Variants in SHCBP1L observed in about 807,000 individuals in gnomAD.
SHCBP1L encodes SHC binding and spindle associated 1 like.
SHCBP1L carries 67 observed loss-of-function variants against 62.5 expected under a neutral mutation model. That is an observed-to-expected ratio of 1.07 (90% CI 0.88 to 1.31). The LOEUF (loss-of-function observed/expected upper bound fraction) is 1.31, where lower values mean the gene tolerates loss of function less well. Ranked by LOEUF, SHCBP1L falls within the 40% of genes most tolerant of loss-of-function variation. SHCBP1L has a pLI of 0.00. For synonymous variants in SHCBP1L, 284 were observed against 289.4 expected, an observed-to-expected ratio of 0.98 and a Z score of 0.19; for missense variants, 823 against 809.8, an observed-to-expected ratio of 1.02 and a Z score of -0.20.
chr1:182,928,412 G>T (rs1258331742), intron 6 of SHCBP1L, among the ~76,000 whole-genome samples: 2 of 152,172 alleles, frequency 1.3e-5, no homozygotes, highest in East Asian at 3.8e-4. Context: ...AGTGTTAAAT[G>T]TAGTCATGAT....
rs369648028 is a variant in SHCBP1L at position 182,912,539 on chromosome 1, T to C, written c.1183-6890A>G. On this transcript the variant is annotated intron_variant, in intron 6 of 9. Coordinates refer to ENST00000367547, the MANE Select transcript of SHCBP1L (RefSeq NM_030933.4). ...CTTTGTAATATCAATTTTTTTTTTT[T>C]TGAGACACAGTCTCACTCTGTCACC... is the stretch of plus-strand genomic sequence containing the variant. 5.3e-5 allele frequency among the ~76,000 whole-genome samples: 8 copies of C among 152,118 alleles called. No homozygotes were observed. In the East Asian group the frequency reaches 1.6e-3, roughly 30 times the overall value.
intron 2 of SHCBP1L, among the ~76,000 whole-genome samples, chr1:182,948,594 C>T (rs972812879): frequency 6.6e-6 from 1 of 152,270 alleles, no homozygotes; most frequent in South Asian, 2.1e-4. Flanking sequence ...TTGCATACAC[C>T]TTGATTTTAG....
chr1:182,900,933 C>T (rs551207432), intron 9 of SHCBP1L, among the ~76,000 whole-genome samples: 3 of 152,264 alleles, frequency 2.0e-5, no homozygotes, highest in East Asian at 1.9e-4. Context: ...TTACTTTTAT[C>T]AGTTATTGAT....
In SHCBP1L at chr1:182,904,347, G is replaced by A; in HGVS notation, c.1420C>T (p.Leu474=). Reference sequence around the variant, plus strand: ...TGTTGTATCAAAGATAGATGCATTAGTTTCACATTGTCAGCTTTGGACACC... The same window carrying A: ...TGTTGTATCAAAGATAGATGCATTAATTTCACATTGTCAGCTTTGGACACC... ...FVVSKADNVK[L]MHLSLIQQGT... is the part of the protein sequence containing the mutation. The change falls in exon 8 of 10, where the codon CTA becomes TTA. Residue 474 remains leucine, a synonymous_variant. Transcript: ENST00000367547. 1.2e-6 allele frequency: 2 copies of A among 1,614,128 alleles called. No homozygotes were observed. The highest frequency in any genetic ancestry group is 1.7e-6 in the Non-Finnish European group (2 of 1,180,020).
Position 182,930,823 on chromosome 1 carries a change from T to C in SHCBP1L, c.1077-1071A>G, listed in dbSNP as rs753182257. 7.0e-4 allele frequency among the ~76,000 whole-genome samples: 96 copies of C among 137,354 alleles called. 1 individual carries two copies. Among genetic ancestry groups the C allele is most frequent in the Non-Finnish European group, 1.1e-3 (69 of 64,956 alleles). 90.1% of individuals were successfully genotyped at this position (137,354 alleles called of 152,430 possible). A position where few individuals can be genotyped will look rare whatever the true frequency, so the allele number is the denominator to read the frequency against. On this transcript the variant is annotated intron_variant, in intron 5 of 9. Transcript: ENST00000367547. ...TTACTGCAGCCTTGACCTCCTGGGC[T>C]CAAGCAATCCTCCCACCTCAGCCTC...
chr1:182,914,686 AAAG>A (rs764135202), intron 6 of SHCBP1L, among the ~76,000 whole-genome samples: 12 of 152,198 alleles, frequency 7.9e-5, no homozygotes, highest in Non-Finnish European at 1.5e-4. Flanking sequence ...ATAAAACACA[AAAG>A]AAGATGGTAC....
chr1:182,931,277 T>C (rs1650989466), intron 5 of SHCBP1L, among the ~76,000 whole-genome samples: 1 of 152,020 alleles, frequency 6.6e-6, no homozygotes, highest in Admixed American at 6.6e-5. Context: ...ACCAGTTAAT[T>C]AGCTGCTCCA....
At chr1:182,902,389 C>T (rs1243401241) in intron 9 of SHCBP1L, among the ~76,000 whole-genome samples, 1 of 151,992 alleles carries the variant, frequency 6.6e-6, no homozygotes, top group African/African-American at 2.4e-5. Context: ...ACTTAGTGTC[C>T]AGAATCATAC....
chr1:182,950,281 C>T (rs1389595338), intron 2 of SHCBP1L, among the ~76,000 whole-genome samples: 1 of 152,064 alleles, frequency 6.6e-6, no homozygotes, highest in Non-Finnish European at 1.5e-5. Context: ...GATAATTGAC[C>T]TTTAACAGAA....
chr1:182,932,965 G>A (rs1373432146), intron 5 of SHCBP1L, among the ~76,000 whole-genome samples: 2 of 151,864 alleles, frequency 1.3e-5, no homozygotes, highest in African/African-American at 4.8e-5. Flanking sequence ...GAGTGCAGTG[G>A]TGCGATCTCA....
intron 1 of SHCBP1L, 80 bp downstream of exon 1, chr1:182,952,649 C>T (rs1651816960): frequency 1.3e-6 from 2 of 1,483,984 alleles, no homozygotes; most frequent in Non-Finnish European, 1.8e-6. Flanking sequence ...CCCCATCCGC[C>T]TAAGAGGGAA....
At chr1:182,947,847 T>A (rs1651613173) in intron 2 of SHCBP1L, among the ~76,000 whole-genome samples, 1 of 152,228 alleles carries the variant, frequency 6.6e-6, no homozygotes, top group Non-Finnish European at 1.5e-5. Flanking sequence ...CAGTTCATTT[T>A]AAAATTTTCA....
chr1:182,932,364 A>C (rs1651034746), intron 5 of SHCBP1L, among the ~76,000 whole-genome samples: 1 of 152,166 alleles, frequency 6.6e-6, no homozygotes, highest in Non-Finnish European at 1.5e-5. Context: ...TTTTGTAAGG[A>C]ACTTCTAAAC....
intron 2 of SHCBP1L, among the ~76,000 whole-genome samples, chr1:182,943,718 G>A (rs1405664815): frequency 2.0e-5 from 3 of 151,812 alleles, no homozygotes; most frequent in African/African-American, 7.3e-5. Flanking sequence ...AAAGTACTGG[G>A]ATTACAGGCG....
At chr1:182,939,438 T>C in intron 4 of SHCBP1L, 29 bp downstream of exon 4, 1 of 1,607,002 alleles carries the variant, frequency 6.2e-7, no homozygotes, top group Non-Finnish European at 8.5e-7. Flanking sequence ...TTTTCTAATG[T>C]GCGGTATAAG....
At chr1:182,942,501 C>T (rs888265155) in intron 2 of SHCBP1L, 1 of 623,524 alleles carries the variant, frequency 1.6e-6, no homozygotes. Flanking sequence ...CTCCTCCCGC[C>T]GCCCGAGCTA....
At chr1:182,929,550 A>G (rs1303900064) in intron 6 of SHCBP1L, 97 bp downstream of exon 6, 4 of 634,076 alleles carry the variant, frequency 6.3e-6, no homozygotes, top group Non-Finnish European at 1.0e-5. Context: ...AAAATAAGGC[A>G]TTAATGATTA....
At chr1:182,951,167 C>A in intron 2 of SHCBP1L, 151 bp downstream of exon 2, 1 of 554,426 alleles carries the variant, frequency 1.8e-6, no homozygotes, top group Non-Finnish European at 2.9e-6. Context: ...TTCCCCTAAC[C>A]TTCTTTTTAC....
chr1:182,947,908 T>G (rs1048746761), intron 2 of SHCBP1L, among the ~76,000 whole-genome samples: 5 of 152,186 alleles, frequency 3.3e-5, no homozygotes, highest in Admixed American at 1.3e-4. Context: ...AAGTTCTGAC[T>G]TTAAGCGATC....
Sources: allele counts gnomAD v4.1 joint callset (sites outside exome capture counted in the v4.1 genomes callset), GRCh38; gene constraint gnomAD v4.1.1; transcripts MANE v1.5; gene names NCBI Gene and HGNC (gene_info 2026-07-23, HGNC 2026-07-21).